ASH1L: variants seen among roughly 807,000 people sequenced by gnomAD.
ASH1L encodes the protein histone-lysine N-methyltransferase ASH1L.
In ASH1L, 23 loss-of-function variants were observed where a neutral mutation model predicts 269.0. That is an observed-to-expected ratio of 0.09 (90% CI 0.06 to 0.12). The LOEUF (loss-of-function observed/expected upper bound fraction) is 0.12, where lower values mean the gene tolerates loss of function less well. Ranked by LOEUF, ASH1L falls within the 10% of genes least tolerant of loss-of-function variation. ASH1L has a pLI of 1.00. For missense variants in ASH1L, 2,912 were observed against 3,567.8 expected (o/e 0.82, Z 4.68); for synonymous variants, 1,187 against 1,253.5 (o/e 0.95, Z 1.12).
intron 1 of ASH1L, among the ~76,000 whole-genome samples, chr1:155,527,426 TAAG>T (rs1426760736): frequency 2.6e-5 from 4 of 151,744 alleles, no homozygotes; most frequent in South Asian, 2.1e-4. Context: ...TCCACATTGC[TAAG>T]AAGAATGATC....
chr1:155,394,167 G>T (rs190310549), intron 7 of ASH1L, among the ~76,000 whole-genome samples: 112 of 152,214 alleles, frequency 7.4e-4, no homozygotes, highest in Non-Finnish European at 1.2e-3. Context: ...GACTGAAAAA[G>T]AGCTTTTCAG....
chr1:155,459,928 A>G, intron 3 of ASH1L, 30 bp from the exon 4 acceptor site: 1 of 1,518,648 alleles, frequency 6.6e-7, no homozygotes, highest in Non-Finnish European at 8.9e-7. Flanking sequence ...TAGAAATCAT[A>G]GGAAAATTCA....
In ASH1L at chr1:155,562,415, T is replaced by TGGCGGCGGGAGCGGCGGCGGC. The variant is rs1558229541; in HGVS notation, c.-383_-363dup. On this transcript the variant is annotated 5_prime_UTR_variant, in exon 1 of 28. Coordinates refer to ENST00000392403, the MANE Select transcript of ASH1L (RefSeq NM_018489.3). ...TCCCCTCCGCAAAGCGAACCCAAAA[T>TGGCGGCGGGAGCGGCGGCGGC]GGCGGCGGGAGCGGCGGCGGCGGCG... 2.0e-5 allele frequency: 30 copies of TGGCGGCGGGAGCGGCGGCGGC among 1,487,410 alleles called. No individual in the cohort carries two copies. Among genetic ancestry groups the TGGCGGCGGGAGCGGCGGCGGC allele is most frequent in the Non-Finnish European group, 2.6e-5 (28 of 1,096,274 alleles). 92.1% of individuals were successfully genotyped at this position (1,487,410 alleles called of 1,614,324 possible). A position where few individuals can be genotyped will look rare whatever the true frequency, so the allele number is the denominator to read the frequency against.
chr1:155,454,261 C>G (rs1159529412), intron 4 of ASH1L, among the ~76,000 whole-genome samples: 1 of 152,062 alleles, frequency 6.6e-6, no homozygotes, highest in Admixed American at 6.6e-5. Context: ...TATGTAACTT[C>G]CACAAGGTTA....
In ASH1L at chr1:155,481,921, T is replaced by C. The variant is rs1386054183; in HGVS notation, c.949A>G (p.Ile317Val). 13 of 1,614,106 alleles carry C rather than the reference T, an allele frequency of 8.1e-6. No homozygotes were observed. The highest frequency in any genetic ancestry group is 5.3e-5 in the African/African-American group (4 of 74,944). Residue 317 changes from isoleucine to valine, a missense_variant, in exon 3 of 28, where the codon ATT (isoleucine) becomes GTT (valine). Physicochemically the swap from Ile to Val is conservative, Grantham distance 29. This residue lies in a region of ASH1L where 277 missense variants were observed against 367.7 expected (regional missense o/e 0.75). Coordinates refer to ENST00000392403, the MANE Select transcript of ASH1L (RefSeq NM_018489.3). ...GGCTTTTTGCCTAAGTTTTTATTAA[T>C]GAATACCGCTGTAGTGCCAGTTCCC... Reference protein sequence around the residue: ...KLGTGTTAVFINKNLGKKPGT... With the variant: ...KLGTGTTAVFVNKNLGKKPGT...
At chr1:155,445,876 T>TTG (rs1571235178) in intron 4 of ASH1L, among the ~76,000 whole-genome samples, 1 of 151,764 alleles carries the variant, frequency 6.6e-6, no homozygotes, top group Non-Finnish European at 1.5e-5. Context: ...GTGTGTGTGT[T>TTG]TGTGTGTGTG....
At chr1:155,445,811 AT>A (rs1333652612) in intron 4 of ASH1L, among the ~76,000 whole-genome samples, 1 of 151,908 alleles carries the variant, frequency 6.6e-6, no homozygotes, top group Admixed American at 6.6e-5. Flanking sequence ...AAGACTTTGT[AT>A]TTTTTTAATT....
In ASH1L at chr1:155,343,245, C is replaced by T. The variant is rs535851401; in HGVS notation, c.8293+69G>A. 35 of 1,533,420 alleles carry T rather than the reference C, an allele frequency of 2.3e-5. No individual in the cohort carries two copies. Among genetic ancestry groups the T allele is most frequent in the Middle Eastern group, 1.7e-4 (1 of 5,732 alleles). The allele number at this position is 1,533,420 out of a possible 1,614,324, so 95.0% of individuals were successfully genotyped here. Reference sequence around the variant, plus strand: ...ATCTGCCTGCCTCGGCCTCCCACACCGCTGGGATTATCAGCGTGAGCCACT... The same window carrying T: ...ATCTGCCTGCCTCGGCCTCCCACACTGCTGGGATTATCAGCGTGAGCCACT... On this transcript the variant is annotated intron_variant, in intron 24 of 27. Coordinates refer to ENST00000392403, the MANE Select transcript of ASH1L (RefSeq NM_018489.3). The surrounding 1 kb of genome is among the most constrained non-coding windows in gnomAD (Gnocchi z 6.1).
chr1:155,364,792 A>T (rs1356019796), intron 12 of ASH1L, among the ~76,000 whole-genome samples: 3 of 151,902 alleles, frequency 2.0e-5, no homozygotes, highest in African/African-American at 7.3e-5. Flanking sequence ...ATACAAAAAA[A>T]TTAACCAGGC....
chr1:155,373,781 C>G (rs752586044), intron 10 of ASH1L, among the ~76,000 whole-genome samples: 2 of 152,104 alleles, frequency 1.3e-5, no homozygotes, highest in South Asian at 2.1e-4. Context: ...GATTTTCTCA[C>G]CTCAGCCTCC....
Position 155,559,844 on chromosome 1 carries a change from C to A in ASH1L, c.-100+2309G>T, listed in dbSNP as rs1168443809. Among the ~76,000 whole-genome samples the A allele has an allele frequency of 5.3e-5, 8 of 152,170 alleles. No homozygotes were observed. In the East Asian group the frequency reaches 1.5e-3, roughly 29 times the overall value. On this transcript the variant is annotated intron_variant, in intron 1 of 27. Coordinates refer to ENST00000392403, the MANE Select transcript of ASH1L (RefSeq NM_018489.3). ...TGTTTGTTATAACTAAGCTAAACTC[C>A]AAGACAGGAGCTTCAAATCACCTCA...
At chr1:155,428,179 C>T (rs1661305964) in intron 5 of ASH1L, among the ~76,000 whole-genome samples, 1 of 152,188 alleles carries the variant, frequency 6.6e-6, no homozygotes, top group Non-Finnish European at 1.5e-5. Context: ...TGGCTCACGC[C>T]TGTAATCCCA....
At chr1:155,348,940 A>ACACACACACACACACACG (rs1233244057) in intron 19 of ASH1L, among the ~76,000 whole-genome samples, 66 of 150,944 alleles carry the variant, frequency 4.4e-4, no homozygotes, top group African/African-American at 1.6e-3. Flanking sequence ...ACACACACAC[A>ACACACACACACACACACG]CACACATATA....
intron 5 of ASH1L, among the ~76,000 whole-genome samples, chr1:155,421,743 G>A (rs952855184): frequency 1.3e-5 from 2 of 151,610 alleles, no homozygotes; most frequent in Non-Finnish European, 2.9e-5. Context: ...TTGTAATCAG[G>A]ACAATGTGAT....
chr1:155,360,170 G>A, intron 13 of ASH1L, 131 bp downstream of exon 13: 1 of 638,038 alleles, frequency 1.6e-6, no homozygotes, highest in Non-Finnish European at 2.8e-6. Context: ...GATTAAAGGT[G>A]TGAACCACTG....
chr1:155,522,881 G>A lies in ASH1L; in HGVS notation c.-99-1263C>T, dbSNP rs186459621. Among the ~76,000 whole-genome samples, 20 of 152,172 alleles carry A rather than the reference G, an allele frequency of 1.3e-4. No individual in the cohort carries two copies. In the South Asian group the frequency reaches 3.9e-3, roughly 30 times the overall value. Reference sequence around the variant, plus strand: ...AATTTTTGTATTTTTAGTAGAGACAGGGTTTCACCATGTTGGCCAGGCTGG... The same window carrying A: ...AATTTTTGTATTTTTAGTAGAGACAAGGTTTCACCATGTTGGCCAGGCTGG... On this transcript the variant is annotated intron_variant, in intron 1 of 27. Coordinates refer to ENST00000392403, the MANE Select transcript of ASH1L (RefSeq NM_018489.3).
chr1:155,481,984 C>T lies in ASH1L; in HGVS notation c.886G>A (p.Ala296Thr). Residue 296 changes from alanine to threonine, a missense_variant, in exon 3 of 28, where the codon GCA (alanine) becomes ACA (threonine). By Grantham distance (58) the Ala-to-Thr change is moderately conservative. This residue lies in a region of ASH1L where 277 missense variants were observed against 367.7 expected (regional missense o/e 0.75). Transcript: ENST00000392403. Reference protein sequence around the residue: ...DPGKKPVFNAAVGLVNKDSVK... With the variant: ...DPGKKPVFNATVGLVNKDSVK... ...GAGTCCTTATTGACCAATCCTACTG[C>T]TGCATTAAACACTGGCTTTTTCCCA... is the stretch of plus-strand genomic sequence containing the variant. The T allele has an allele frequency of 6.2e-7, 1 of 1,614,146 alleles. No individual in the cohort carries two copies. Among genetic ancestry groups the T allele is most frequent in the Non-Finnish European group, 8.5e-7 (1 of 1,180,036 alleles).
chr1:155,551,520 C>T (rs965001887), intron 1 of ASH1L, among the ~76,000 whole-genome samples: 3 of 149,968 alleles, frequency 2.0e-5, no homozygotes. Context: ...ATTAGCCGGG[C>T]GTAGTGGCGG....
intron 4 of ASH1L, among the ~76,000 whole-genome samples, chr1:155,442,389 C>A (rs948127939): frequency 6.6e-6 from 1 of 151,748 alleles, no homozygotes; most frequent in Non-Finnish European, 1.5e-5. Context: ...TTGAAACCAG[C>A]CTGGCCAACA....
Sources: gnomAD v4.1 joint callset for allele counts (sites outside exome capture counted in the v4.1 genomes callset) on GRCh38, gnomAD v4.1.1 for gene constraint, gnomAD v4.1.1 regional missense constraint, Gnocchi (gnomAD v3.1) non-coding constraint, MANE v1.5 for transcripts, NCBI Gene and HGNC (gene_info 2026-07-23, HGNC 2026-07-21) for gene names.